Variants in HLCS observed in about 807,000 individuals in gnomAD.
The protein encoded by HLCS is biotin--protein ligase.
In HLCS, 53 loss-of-function variants were observed where a neutral mutation model predicts 75.0. The ratio of observed to expected loss-of-function variants is 0.71; its 90% CI spans 0.57 to 0.89. The LOEUF (loss-of-function observed/expected upper bound fraction) is 0.89, where lower values mean the gene tolerates loss of function less well. Among genes scored for constraint, HLCS ranks in the 40% least tolerant of loss-of-function variants. The probability of loss-of-function intolerance (pLI) is 0.00; values close to 1 mark genes in which losing one functional copy is unlikely to be tolerated. For missense variants in HLCS, 966 were observed against 1,074.0 expected, an observed-to-expected ratio of 0.90 and a Z score of 1.41; for synonymous variants, 431 against 428.6, an observed-to-expected ratio of 1.01 and a Z score of -0.07.
intron 1 of HLCS, among the ~76,000 whole-genome samples, chr21:36,976,213 C>T (rs1030793747): frequency 2.0e-5 from 3 of 152,102 alleles, no homozygotes; most frequent in Non-Finnish European, 2.9e-5. Context: ...TTGAACAGGC[C>T]GGGATTGTCC....
At chr21:36,754,679 T>G (rs779344595) in intron 10 of HLCS, among the ~76,000 whole-genome samples, 1 of 152,218 alleles carries the variant, frequency 6.6e-6, no homozygotes, top group Non-Finnish European at 1.5e-5. Context: ...CTCCTAATTC[T>G]GGTCATCTGC....
At chr21:36,914,290 C>T (rs1367511104) in intron 5 of HLCS, among the ~76,000 whole-genome samples, 1 of 152,210 alleles carries the variant, frequency 6.6e-6, no homozygotes, top group Non-Finnish European at 1.5e-5. Context: ...AACTTCTACA[C>T]AGCCTGATCT....
Position 36,930,391 on chromosome 21 carries a change from G to A in HLCS, c.1480C>T (p.Pro494Ser), listed in dbSNP as rs556454789. The A allele has an allele frequency of 2.0e-5, 33 of 1,614,048 alleles. No homozygotes were observed. The highest frequency in any genetic ancestry group is 1.9e-4 in the African/African-American group (14 of 74,916). ...GACTTGAGCAAGTTAAAATCTTCTG[G>A]AGTTTGCACTATGTTGGAGCTGGGA... ...LPPSSNIVQT[P>S]EDFNLLKSSN... is the part of the protein sequence containing the mutation. Residue 494 changes from proline (P) to serine (S), a missense_variant, in exon 5 of 11, where the codon CCA (proline) becomes TCA (serine). Coordinates refer to ENST00000674895, the MANE Select transcript of HLCS (RefSeq NM_001352514.2).
At chr21:36,778,542 G>A (rs374532908) in intron 6 of HLCS, among the ~76,000 whole-genome samples, 12 of 152,102 alleles carry the variant, frequency 7.9e-5, no homozygotes, top group African/African-American at 2.9e-4. Flanking sequence ...GCCTCCCAAA[G>A]TGCTGAGATT....
At chr21:36,792,867 G>A (rs1284865242) in intron 6 of HLCS, among the ~76,000 whole-genome samples, 1 of 152,174 alleles carries the variant, frequency 6.6e-6, no homozygotes. Context: ...CCTCAGTCAT[G>A]TGACCCCCAG....
intron 1 of HLCS, among the ~76,000 whole-genome samples, chr21:36,985,717 G>C (rs2069216133): frequency 6.6e-6 from 1 of 151,524 alleles, no homozygotes; most frequent in Non-Finnish European, 1.5e-5. Flanking sequence ...AGTGAGCCAA[G>C]ATCGGGCCAC....
chr21:36,858,100 ATTT>A (rs537310783), intron 6 of HLCS, among the ~76,000 whole-genome samples: 1 of 152,024 alleles, frequency 6.6e-6, no homozygotes, highest in African/African-American at 2.4e-5. Context: ...GATCTTGTTT[ATTT>A]TTTATTATAT....
chr21:36,771,818 T>A (rs573399001), intron 6 of HLCS, among the ~76,000 whole-genome samples: 1 of 151,996 alleles, frequency 6.6e-6, no homozygotes, highest in South Asian at 2.1e-4. Context: ...GCCAACATGG[T>A]GAAACCCCAT....
chr21:36,842,693 A>C lies in HLCS; in HGVS notation c.1892+54167T>G, dbSNP rs546302276. ...GGGAGGTGGAGGTTGCAGTAAGCCA[A>C]GATTGTGCCACTGCACTCCACCCTG... On this transcript the variant is annotated intron_variant, in intron 6 of 10. Transcript: ENST00000674895. The surrounding 1 kb of genome is among the most constrained non-coding windows in gnomAD (Gnocchi z 4.2). Among the ~76,000 whole-genome samples, 2 of 152,278 alleles carry C rather than the reference A, an allele frequency of 1.3e-5. No individual in the cohort carries two copies. Among genetic ancestry groups the C allele is most frequent in the East Asian group, 1.9e-4 (1 of 5,188 alleles).
At position 36,948,881 on chromosome 21, in the gene HLCS, T is replaced by C. The variant is rs78785585; in HGVS notation, c.331-9887A>G. ...ACCCAGATGGAGCTGAAAAGAGGAATTGCGAAACCATGACTGACAAGATGC... is the reference window on the plus strand; with the variant it reads ...ACCCAGATGGAGCTGAAAAGAGGAACTGCGAAACCATGACTGACAAGATGC... On this transcript the variant is annotated intron_variant, in intron 2 of 10. Transcript: ENST00000674895. Among the ~76,000 whole-genome samples the C allele has an allele frequency of 3.2e-3, 486 of 152,110 alleles. 1 individual carries two copies. The highest frequency in any genetic ancestry group is 0.011 in the African/African-American group (471 of 41,478).
intron 5 of HLCS, among the ~76,000 whole-genome samples, chr21:36,905,909 G>C: frequency 6.6e-6 from 1 of 151,932 alleles, no homozygotes; most frequent in Admixed American, 6.6e-5. Flanking sequence ...AATTAGCCGG[G>C]TGTGGTGGCA....
intron 6 of HLCS, among the ~76,000 whole-genome samples, chr21:36,874,474 A>T (rs928172447): frequency 8.3e-4 from 126 of 152,206 alleles, no homozygotes; most frequent in African/African-American, 3.0e-3. Flanking sequence ...ATCTATTTCC[A>T]GGGTATTCTG....
intron 1 of HLCS, among the ~76,000 whole-genome samples, chr21:36,981,375 T>C (rs1000369273): frequency 2.7e-5 from 4 of 150,722 alleles, no homozygotes; most frequent in African/African-American, 9.8e-5. Context: ...AATCTATTAA[T>C]CTATTAACTC....
intron 6 of HLCS, among the ~76,000 whole-genome samples, chr21:36,802,461 A>G (rs1456581266): frequency 6.6e-6 from 1 of 152,238 alleles, no homozygotes; most frequent in East Asian, 1.9e-4. Context: ...TACTTTACAG[A>G]TGTTTACACG....
At chr21:36,957,577 T>C (rs1395323919) in intron 2 of HLCS, among the ~76,000 whole-genome samples, 1 of 152,234 alleles carries the variant, frequency 6.6e-6, no homozygotes, top group Non-Finnish European at 1.5e-5. Flanking sequence ...ATATTTTCAA[T>C]AAATTCAAAA....
In HLCS at chr21:36,962,478, C is replaced by T. The variant is rs564891565; in HGVS notation, c.196-308G>A. Among the ~76,000 whole-genome samples the T allele has an allele frequency of 3.9e-5, 6 of 152,148 alleles. No individual in the cohort carries two copies. The East Asian group carries it at 7.7e-4, about 20-fold the overall frequency. ...CACTGCTTAGCACACAGTAGCTAAC[C>T]GGGAAGTACATTTAAAGATGAGGAG... On this transcript the variant is annotated intron_variant, in intron 1 of 10. Coordinates refer to ENST00000674895, the MANE Select transcript of HLCS (RefSeq NM_001352514.2).
chr21:36,871,690 T>G (rs1334140210), intron 6 of HLCS, among the ~76,000 whole-genome samples: 1 of 152,116 alleles, frequency 6.6e-6, no homozygotes, highest in African/African-American at 2.4e-5. Context: ...ACCCACCACC[T>G]AGACAAGTCA....
At chr21:36,934,154 G>A (rs2066772866) in intron 4 of HLCS, among the ~76,000 whole-genome samples, 1 of 152,162 alleles carries the variant, frequency 6.6e-6, no homozygotes, top group African/African-American at 2.4e-5. Flanking sequence ...TTCTCTGAGT[G>A]TAACCCTGTT....
intron 6 of HLCS, among the ~76,000 whole-genome samples, chr21:36,876,553 G>C (rs1470691956): frequency 6.6e-6 from 1 of 152,130 alleles, no homozygotes; most frequent in African/African-American, 2.4e-5. Context: ...CTAAATACTT[G>C]TGGGTTTCCT....
Sources: allele counts gnomAD v4.1 joint callset (sites outside exome capture counted in the v4.1 genomes callset), GRCh38; gene constraint gnomAD v4.1.1; non-coding constraint Gnocchi (gnomAD v3.1); transcripts MANE v1.5; gene names NCBI Gene and HGNC (gene_info 2026-07-23, HGNC 2026-07-21).